PDE4D: variants seen among roughly 807,000 people sequenced by gnomAD.
PDE4D encodes phosphodiesterase 4D, also known as 3',5'-cyclic-AMP phosphodiesterase 4D.
PDE4D carries 24 observed loss-of-function variants against 87.4 expected under a neutral mutation model. The ratio of observed to expected loss-of-function variants is 0.27; its 90% CI spans 0.20 to 0.39. The LOEUF (loss-of-function observed/expected upper bound fraction) is 0.39, where lower values mean the gene tolerates loss of function less well. Ranked by LOEUF, PDE4D falls within the 10% of genes least tolerant of loss-of-function variation. The pLI is 1.00. For synonymous variants in PDE4D, 384 were observed against 383.2 expected (o/e 1.00, Z -0.02); for missense variants, 714 against 1,041.0 (o/e 0.69, Z 4.32).
intron 1 of PDE4D, among the ~76,000 whole-genome samples, chr5:59,696,176 G>A (rs1202365074): frequency 6.6e-6 from 1 of 152,050 alleles, no homozygotes; most frequent in East Asian, 1.9e-4. Flanking sequence ...TAGAAGGTAG[G>A]GGCATCTGGG....
chr5:60,070,565 C>T (rs902776876), intron 2 of PDE4D, among the ~76,000 whole-genome samples: 3 of 152,072 alleles, frequency 2.0e-5, no homozygotes, highest in South Asian at 4.2e-4. Flanking sequence ...GGTGTATAAT[C>T]CCCTTAATGT....
At chr5:59,617,828 C>T (rs1829890144) in intron 1 of PDE4D, among the ~76,000 whole-genome samples, 1 of 152,142 alleles carries the variant, frequency 6.6e-6, no homozygotes, top group Non-Finnish European at 1.5e-5. Flanking sequence ...TTTGTTTCAG[C>T]AGAAAACTCA....
intron 1 of PDE4D, among the ~76,000 whole-genome samples, chr5:59,815,907 T>A (rs1341141690): frequency 6.6e-6 from 1 of 152,246 alleles, no homozygotes; most frequent in Non-Finnish European, 1.5e-5. Context: ...CCTGAAATTA[T>A]TTTATTGTAA....
intron 1 of PDE4D, among the ~76,000 whole-genome samples, chr5:59,533,000 A>G (rs1388348367): frequency 1.3e-5 from 2 of 152,176 alleles, no homozygotes; most frequent in Admixed American, 1.3e-4. Flanking sequence ...CATGTTATTA[A>G]AACATGTTAG....
chr5:60,115,554 C>A (rs1446582131), intron 2 of PDE4D, among the ~76,000 whole-genome samples: 1 of 152,072 alleles, frequency 6.6e-6, no homozygotes, highest in Non-Finnish European at 1.5e-5. Flanking sequence ...GTGTCTTTCA[C>A]AATATAATGC....
At chr5:60,082,710 G>A (rs1164375105) in intron 2 of PDE4D, among the ~76,000 whole-genome samples, 2 of 152,110 alleles carry the variant, frequency 1.3e-5, no homozygotes, top group Admixed American at 1.3e-4. Flanking sequence ...CTTTGTGTCT[G>A]GAATGAGGTG....
intron 1 of PDE4D, among the ~76,000 whole-genome samples, chr5:59,253,505 G>A (rs1467558203): frequency 1.3e-5 from 2 of 151,972 alleles, no homozygotes; most frequent in Non-Finnish European, 2.9e-5. Flanking sequence ...TACACACAGC[G>A]TACTCCTCAT....
intron 11 of PDE4D, among the ~76,000 whole-genome samples, chr5:58,979,239 A>G (rs1744532001): frequency 6.6e-6 from 1 of 152,198 alleles, no homozygotes; most frequent in South Asian, 2.1e-4. Flanking sequence ...GCAGATGTCC[A>G]AGAATACTGG....
chr5:59,280,910 T>A (rs1405913922), intron 1 of PDE4D, among the ~76,000 whole-genome samples: 1 of 152,122 alleles, frequency 6.6e-6, no homozygotes, highest in African/African-American at 2.4e-5. Context: ...ATATGCTTCC[T>A]AGCATTCTGG....
At chr5:59,749,609 C>T (rs1010974822) in intron 1 of PDE4D, among the ~76,000 whole-genome samples, 1 of 152,120 alleles carries the variant, frequency 6.6e-6, no homozygotes, top group Non-Finnish European at 1.5e-5. Flanking sequence ...CTCAATTTTT[C>T]TTCAACCTCA....
chr5:59,944,899 G>C (rs539149354), intron 3 of PDE4D, among the ~76,000 whole-genome samples: 1 of 151,266 alleles, frequency 6.6e-6, no homozygotes, highest in East Asian at 1.9e-4. Context: ...TGCAGTCTTC[G>C]CAGAATTTAA....
chr5:59,673,304 C>CA (rs1747521130), intron 1 of PDE4D, among the ~76,000 whole-genome samples: 1 of 152,148 alleles, frequency 6.6e-6, no homozygotes, highest in African/African-American at 2.4e-5. Flanking sequence ...AGACATAGCT[C>CA]ATTGACTAGG....
chr5:59,367,221 G>A (rs1264316439), intron 1 of PDE4D, among the ~76,000 whole-genome samples: 1 of 152,150 alleles, frequency 6.6e-6, no homozygotes, highest in Admixed American at 6.5e-5. Flanking sequence ...TTCCAAAAAA[G>A]TTAATGTTAA....
intron 2 of PDE4D, among the ~76,000 whole-genome samples, chr5:59,205,003 A>G (rs896404958): frequency 2.6e-5 from 4 of 152,258 alleles, no homozygotes; most frequent in African/African-American, 9.6e-5. Context: ...ACAACTCTGC[A>G]TTAAATGGAT....
chr5:59,929,246 A>G (rs1242007471), intron 3 of PDE4D, among the ~76,000 whole-genome samples: 4 of 152,206 alleles, frequency 2.6e-5, no homozygotes, highest in Non-Finnish European at 5.9e-5. Flanking sequence ...ATAATATTGT[A>G]GACATTTACA....
At chr5:60,100,428 G>T (rs1163466383) in intron 2 of PDE4D, among the ~76,000 whole-genome samples, 1 of 151,950 alleles carries the variant, frequency 6.6e-6, no homozygotes, top group East Asian at 1.9e-4. Context: ...TAGGAAGGAA[G>T]AGATAAAAGA....
rs182202480 is a variant in PDE4D, at chr5:59,651,037, C to G, written c.455+242131G>C. Reference sequence around the variant, plus strand: ...TTGGGAGGCCGAGGTGGGCGGATCACGAGGTCAGGAGATCGAGACCATCCT... The same window carrying G: ...TTGGGAGGCCGAGGTGGGCGGATCAGGAGGTCAGGAGATCGAGACCATCCT... On this transcript the variant is annotated intron_variant, in intron 1 of 14. Transcript: ENST00000340635. 3.4e-3 allele frequency among the ~76,000 whole-genome samples: 522 copies of G among 151,994 alleles called. 5 individuals carry two copies. Among genetic ancestry groups the G allele is most frequent in the African/African-American group, 0.012 (505 of 41,466 alleles).
intron 1 of PDE4D, among the ~76,000 whole-genome samples, chr5:59,246,701 T>C (rs1758909866): frequency 1.3e-5 from 2 of 152,172 alleles, no homozygotes; most frequent in African/African-American, 4.8e-5. Context: ...CCACTGTTCT[T>C]TGTTGAAAGG....
intron 1 of PDE4D, among the ~76,000 whole-genome samples, chr5:59,853,849 T>G (rs1190226901): frequency 3.3e-5 from 5 of 152,048 alleles, no homozygotes; most frequent in African/African-American, 1.2e-4. Flanking sequence ...TTGGTTTCAA[T>G]TAAAAAATTC....
Sources: gnomAD v4.1 joint callset for allele counts (sites outside exome capture counted in the v4.1 genomes callset) on GRCh38, gnomAD v4.1.1 for gene constraint, MANE v1.5 for transcripts, NCBI Gene and HGNC (gene_info 2026-07-23, HGNC 2026-07-21) for gene names.